PPP1R37: variants seen among roughly 807,000 people sequenced by gnomAD.
PPP1R37 encodes the protein leucine rich repeat containing 68.
PPP1R37 carries 21 observed loss-of-function variants against 61.0 expected under a neutral mutation model. The observed-to-expected ratio is 0.34, with a 90% CI of 0.24 to 0.50. PPP1R37 has a LOEUF of 0.50. Ranked by LOEUF, PPP1R37 falls within the 20% of genes least tolerant of loss-of-function variation. The pLI is 0.98. For missense variants in PPP1R37, 910 were observed against 952.7 expected (o/e 0.96, Z 0.59); for synonymous variants, 443 against 433.5 (o/e 1.02, Z -0.27).
At chr19:45,138,680 A>C (rs1968569211) in intron 2 of PPP1R37, 69 bp downstream of exon 2, 2 of 1,124,642 alleles carry the variant, frequency 1.8e-6, no homozygotes, top group East Asian at 2.6e-5. Flanking sequence ...GAACCAGCCC[A>C]GCAGGAGAGG....
At chr19:45,140,426 G>GGGGGGGGGGGT in intron 3 of PPP1R37, 80 bp from the exon 4 acceptor site, 1 of 1,063,702 alleles carries the variant, frequency 9.4e-7, no homozygotes, top group Non-Finnish European at 1.3e-6. Context: ...TGGGGGGTGG[G>GGGGGGGGGGGT]AGGTTGGGGG....
At chr19:45,099,981 A>G (rs10410424) in intron 1 of PPP1R37, 21,705 of 152,268 alleles carry the variant, frequency 0.14, 1,726 homozygotes, top group Non-Finnish European at 0.17. Context: ...GTGCGTGTGC[A>G]CTTGTTTCTG....
rs749642323 is a variant in PPP1R37, at chr19:45,145,687, G to A, written c.1631G>A (p.Ser544Asn). 5 of 1,534,614 alleles carry A rather than the reference G, an allele frequency of 3.3e-6. No individual in the cohort carries two copies. The African/African-American group carries it at 5.5e-5, about 17-fold the overall frequency. Reference sequence around the variant, plus strand: ...GACTCCCTGGGCCCTGGGGACAGGAGTCCCCCAGGCAGCCCCTCCACACCC... The same window carrying A: ...GACTCCCTGGGCCCTGGGGACAGGAATCCCCCAGGCAGCCCCTCCACACCC... ...PTDSLGPGDR[S>N]PPGSPSTPTE... Residue 544 changes from serine (S) to asparagine (N), a missense_variant, in exon 11 of 13, where the codon AGT becomes AAT. Around this residue, in one of 3 missense-constraint regions of PPP1R37, gnomAD observed 549 missense variants for 505.1 expected, o/e 1.09. Transcript: ENST00000221462.
Position 45,145,012 on chromosome 19 carries a change from G to A in PPP1R37, c.1129+17G>A. The A allele has an allele frequency of 1.3e-6, 2 of 1,530,566 alleles. No homozygotes were observed. The highest frequency in any genetic ancestry group is 1.7e-6 in the Non-Finnish European group (2 of 1,144,294). The allele number at this position is 1,530,566 out of a possible 1,614,324, so 94.8% of individuals were successfully genotyped here. Reference sequence around the variant, plus strand: ...CGTGCGAGGGTAGGGTACGGGGCCGGGCCAGGGTGCGGGCTGGTGGGCTCA... The same window carrying A: ...CGTGCGAGGGTAGGGTACGGGGCCGAGCCAGGGTGCGGGCTGGTGGGCTCA... On this transcript the variant is annotated intron_variant, in intron 9 of 12. Transcript: ENST00000221462.
At position 45,145,894 on chromosome 19, in the gene PPP1R37, G is replaced by A. The variant is rs772475331; in HGVS notation, c.1838G>A (p.Arg613Gln). 89 of 1,399,394 alleles carry A rather than the reference G, an allele frequency of 6.4e-5. 1 individual carries two copies. The highest frequency in any genetic ancestry group is 1.2e-4 in the South Asian group (10 of 82,128). 86.7% of individuals were successfully genotyped at this position (1,399,394 alleles called of 1,614,324 possible). The change falls in exon 11 of 13, where the codon CGG (arginine) becomes CAG (glutamine). Residue 613 changes from arginine to glutamine, a missense_variant. Physicochemically the swap from Arg to Gln is conservative, Grantham distance 43. This residue lies in a region of PPP1R37 where 549 missense variants were observed against 505.1 expected (regional missense o/e 1.09). Transcript: ENST00000221462. ...CCACCAGCCGGGGCCATTGACACCC[G>A]GGACACAGGGTCCTCTGAGCCTCAG... ...SLPPAGAIDT[R>Q]DTGSSEPQPP...
At chr19:45,105,354 C>T (rs541455355) in intron 1 of PPP1R37, among the ~76,000 whole-genome samples, 2 of 152,220 alleles carry the variant, frequency 1.3e-5, no homozygotes, top group Admixed American at 6.5e-5. Context: ...TGCTGGGGGT[C>T]ATAGGCCAGG....
In PPP1R37 at chr19:45,146,425, G is replaced by T. The variant is rs1244032908; in HGVS notation, c.2029G>T (p.Glu677Ter). The T allele has an allele frequency of 3.9e-6, 6 of 1,535,816 alleles. No individual in the cohort carries two copies. Among genetic ancestry groups the T allele is most frequent in the African/African-American group, 1.4e-5 (1 of 73,058 alleles). Residue 677 changes from glutamate to a stop codon, truncating the protein, a stop_gained, in exon 12 of 13, where the codon GAG becomes TAG. Coordinates refer to ENST00000221462, the MANE Select transcript of PPP1R37 (RefSeq NM_019121.2). LOFTEE classifies it high-confidence loss of function. ...CTCCAAGAACGAGAAGGAGCTCGAG[G>T]AGCTGCTTCTGGAAGCCAGTCAGGA... is the stretch of plus-strand genomic sequence containing the variant. ...SCSKNEKELE[E>*]LLLEASQESG...
At chr19:45,117,590 T>C (rs953380699) in intron 1 of PPP1R37, among the ~76,000 whole-genome samples, 8 of 151,458 alleles carry the variant, frequency 5.3e-5, no homozygotes, top group Admixed American at 5.3e-4. Flanking sequence ...CGGTGGGAGG[T>C]GATCTCAGGG....
intron 1 of PPP1R37, among the ~76,000 whole-genome samples, chr19:45,123,016 C>G (rs1968360228): frequency 6.6e-6 from 1 of 152,212 alleles, no homozygotes; most frequent in African/African-American, 2.4e-5. Context: ...ACGCCTTTTG[C>G]ATCTTTGTCA....
At chr19:45,124,509 C>G (rs1285401898) in intron 1 of PPP1R37, among the ~76,000 whole-genome samples, 1 of 152,166 alleles carries the variant, frequency 6.6e-6, no homozygotes, top group African/African-American at 2.4e-5. Flanking sequence ...CTCTACCTGT[C>G]TGCCTGGCCT....
intron 1 of PPP1R37, among the ~76,000 whole-genome samples, chr19:45,131,951 G>C (rs1028144553): frequency 5.3e-5 from 8 of 152,110 alleles, no homozygotes; most frequent in African/African-American, 1.9e-4. Context: ...GAAAGAGGTT[G>C]CTGTGGTCAT....
intron 1 of PPP1R37, among the ~76,000 whole-genome samples, chr19:45,096,965 CAG>C (rs68128607): frequency 0.14 from 21,429 of 151,718 alleles, 1,677 homozygotes; most frequent in Non-Finnish European, 0.17. Flanking sequence ...AAGGGATTTG[CAG>C]GACAGAAAAC....
chr19:45,143,780 C>T (rs565532307), intron 8 of PPP1R37, 147 bp downstream of exon 8: 4 of 540,922 alleles, frequency 7.4e-6, no homozygotes, highest in East Asian at 6.5e-5. Flanking sequence ...CCACCTGCTT[C>T]CTCATTCAGC....
intron 1 of PPP1R37, among the ~76,000 whole-genome samples, chr19:45,114,339 T>C (rs1968237604): frequency 1.3e-5 from 2 of 152,244 alleles, no homozygotes; most frequent in South Asian, 4.1e-4. Context: ...CTGGAACACA[T>C]GCACTCCTTG....
At chr19:45,138,902 A>ATTTTTTTTT (rs1968572009) in intron 2 of PPP1R37, among the ~76,000 whole-genome samples, 3 of 90,716 alleles carry the variant, frequency 3.3e-5, no homozygotes, top group Non-Finnish European at 4.5e-5. Context: ...AAATTTATGT[A>ATTTTTTTTT]TTCTTTTTTT....
At chr19:45,132,286 C>G (rs1216180102) in intron 1 of PPP1R37, among the ~76,000 whole-genome samples, 1 of 152,026 alleles carries the variant, frequency 6.6e-6, no homozygotes, top group Non-Finnish European at 1.5e-5. Context: ...AATGTAAAAG[C>G]TAAGGAGCAG....
intron 2 of PPP1R37, among the ~76,000 whole-genome samples, chr19:45,139,370 G>A (rs1315923136): frequency 6.6e-6 from 1 of 152,260 alleles, no homozygotes; most frequent in Non-Finnish European, 1.5e-5. Context: ...GGCATTTCCT[G>A]GCCTTTTCTG....
intron 3 of PPP1R37, 78 bp downstream of exon 3, chr19:45,140,359 T>TG: frequency 7.8e-7 from 1 of 1,276,952 alleles, no homozygotes; most frequent in Non-Finnish European, 1.0e-6. Flanking sequence ...TCTGAGGACC[T>TG]GCCTGGGGTT....
intron 1 of PPP1R37, among the ~76,000 whole-genome samples, chr19:45,118,176 A>G (rs979132854): frequency 5.3e-5 from 8 of 152,278 alleles, no homozygotes; most frequent in Non-Finnish European, 8.8e-5. Context: ...TCACTGCCCT[A>G]TTCTATGTCC....
Sources: gnomAD v4.1 joint callset for allele counts (sites outside exome capture counted in the v4.1 genomes callset) on GRCh38, gnomAD v4.1.1 for gene constraint, gnomAD v4.1.1 regional missense constraint, MANE v1.5 for transcripts, NCBI Gene and HGNC (gene_info 2026-07-23, HGNC 2026-07-21) for gene names.